The following ESR1 variants were observed in gnomAD, a reference collection of about 807,000 sequenced individuals.
The protein encoded by ESR1 is estrogen receptor.
ESR1 carries 12 observed loss-of-function variants against 52.7 expected under a neutral mutation model. The ratio of observed to expected loss-of-function variants is 0.23; its 90% CI spans 0.15 to 0.37. The LOEUF (loss-of-function observed/expected upper bound fraction) is 0.37. Among genes scored for constraint, ESR1 ranks in the 10% least tolerant of loss-of-function variants. The probability of loss-of-function intolerance (pLI) is 1.00; values close to 1 mark genes in which losing one functional copy is unlikely to be tolerated. For synonymous variants in ESR1, 305 were observed against 316.8 expected (o/e 0.96, Z 0.39); for missense variants, 584 against 779.7 (o/e 0.75, Z 2.99).
intron 6 of ESR1, among the ~76,000 whole-genome samples, chr6:152,090,101 A>G (rs140882378): frequency 6.6e-6 from 1 of 152,316 alleles, no homozygotes; most frequent in African/African-American, 2.4e-5. Flanking sequence ...GGAGAAGCAT[A>G]CAACAAACAT....
upstream of ESR1, among the ~76,000 whole-genome samples, chr6:151,686,767 C>A (rs1778705686): frequency 6.6e-6 from 1 of 152,132 alleles, no homozygotes; most frequent in Non-Finnish European, 1.5e-5. Flanking sequence ...TTTAAGGTAG[C>A]TAAACACTCT....
chr6:151,944,132 G>A (rs2035431935), intron 3 of ESR1, 41 bp from the exon 4 acceptor site: 1 of 1,558,898 alleles, frequency 6.4e-7, no homozygotes, highest in Admixed American at 1.7e-5. Flanking sequence ...GTTTACACGG[G>A]AAAAAAATAA....
At chr6:152,049,724 C>A (rs2046522666) in intron 5 of ESR1, among the ~76,000 whole-genome samples, 1 of 152,168 alleles carries the variant, frequency 6.6e-6, no homozygotes, top group Non-Finnish European at 1.5e-5. Context: ...AGTGAGGTTC[C>A]TCTTGGCTCT....
upstream of ESR1, among the ~76,000 whole-genome samples, chr6:151,801,757 G>A (rs1777267478): frequency 6.6e-6 from 1 of 152,256 alleles, no homozygotes; most frequent in South Asian, 2.1e-4. Context: ...TAGAGTGTTA[G>A]GACAATTCTG....
chr6:151,979,127 T>A (rs2039742248), intron 4 of ESR1, among the ~76,000 whole-genome samples: 1 of 152,146 alleles, frequency 6.6e-6, no homozygotes, highest in Admixed American at 6.5e-5. Context: ...AGGACACCAG[T>A]TAGACTAGAT....
chr6:151,702,905 G>T (rs1223852486), intron 2 of ESR1, among the ~76,000 whole-genome samples: 1 of 152,182 alleles, frequency 6.6e-6, no homozygotes, highest in Non-Finnish European at 1.5e-5. Flanking sequence ...CCAGTAGCAG[G>T]CATGTGATAT....
At chr6:151,809,748 A>G (rs373445987) in intron 1 of ESR1, among the ~76,000 whole-genome samples, 1 of 152,232 alleles carries the variant, frequency 6.6e-6, no homozygotes, top group East Asian at 1.9e-4. Context: ...ACGCAGATCC[A>G]AGCTGTCTTT....
chr6:151,712,901 T>A (rs1582983366), intron 2 of ESR1, among the ~76,000 whole-genome samples: 1 of 152,202 alleles, frequency 6.6e-6, no homozygotes, highest in South Asian at 2.1e-4. Flanking sequence ...AAAGAGGATA[T>A]CCTTGTCTGG....
At chr6:152,043,024 G>A (rs1013998719) in intron 5 of ESR1, among the ~76,000 whole-genome samples, 5 of 152,126 alleles carry the variant, frequency 3.3e-5, no homozygotes, top group African/African-American at 9.7e-5. Flanking sequence ...CTTCAAGGAT[G>A]CAGGTGCTGC....
chr6:151,861,755 T>A lies in ESR1; in HGVS notation c.644-18900T>A, dbSNP rs1280994824. Among the ~76,000 whole-genome samples, 145 of 152,198 alleles carry A rather than the reference T, an allele frequency of 9.5e-4. 3 individuals carry two copies. Among genetic ancestry groups the A allele is most frequent in the Non-Finnish European group, 1.9e-4 (13 of 68,014 alleles). On this transcript the variant is annotated intron_variant, in intron 2 of 7. Coordinates refer to ENST00000206249, the MANE Select transcript of ESR1 (RefSeq NM_000125.4). ...TTGTTCAGAGGCTTGAGTAAATGGC[T>A]CTTATTCTTACACTTTTTTTTTTGC...
chr6:151,988,437 T>G (rs1353655534), intron 4 of ESR1, among the ~76,000 whole-genome samples: 1 of 152,086 alleles, frequency 6.6e-6, no homozygotes, highest in African/African-American at 2.4e-5. Flanking sequence ...TAAATACAGA[T>G]GAAGCTTCAC....
intron 1 of ESR1, among the ~76,000 whole-genome samples, chr6:151,657,358 A>G (rs1777490365): frequency 6.6e-6 from 1 of 152,204 alleles, no homozygotes; most frequent in Non-Finnish European, 1.5e-5. Context: ...TGTAAATTAC[A>G]TTACATTATA....
In ESR1 at chr6:152,069,577, G is replaced by T. The variant is rs1255644666; in HGVS notation, c.1369+8453G>T. ...TGAAAGAAAATTTTTCCACAGATGG[G>T]GTGGTGTAGGGTGGGGTGGGGGATA... is the stretch of plus-strand genomic sequence containing the variant. On this transcript the variant is annotated intron_variant, in intron 6 of 7. Transcript: ENST00000206249. Among the ~76,000 whole-genome samples, 2 of 135,924 alleles carry T rather than the reference G, an allele frequency of 1.5e-5. 1 individual carries two copies. Among genetic ancestry groups the T allele is most frequent in the African/African-American group, 6.6e-5 (2 of 30,190 alleles). The allele number at this position is 135,924 out of a possible 152,430, so 89.2% of individuals were successfully genotyped here. A position where few individuals can be genotyped will look rare whatever the true frequency, so the allele number is the denominator to read the frequency against.
In ESR1 at chr6:152,102,380, TAAC is replaced by T; in HGVS notation, c.*3416_*3418del. 1 of 208,048 alleles carries T rather than the reference TAAC, an allele frequency of 4.8e-6. No individual in the cohort carries two copies. The highest frequency in any genetic ancestry group is 9.8e-6 in the Non-Finnish European group (1 of 102,040). 12.9% of individuals were successfully genotyped at this position (208,048 alleles called of 1,614,324 possible). A position where few individuals can be genotyped will look rare whatever the true frequency, so the allele number is the denominator to read the frequency against. On this transcript the variant is annotated 3_prime_UTR_variant, in exon 8 of 8. Coordinates refer to ENST00000206249, the MANE Select transcript of ESR1 (RefSeq NM_000125.4). ...GACTGTGGGTACTGGGAGTGATCAC[TAAC>T]ACCATAGTAATGTCTAATATTCACA...
At chr6:152,000,395 A>G (rs558602937) in intron 4 of ESR1, among the ~76,000 whole-genome samples, 4 of 152,048 alleles carry the variant, frequency 2.6e-5, no homozygotes, top group Non-Finnish European at 5.9e-5. Flanking sequence ...CATATTCTAC[A>G]TAGAAAAACT....
chr6:152,010,738 T>C (rs1047352162), intron 4 of ESR1, among the ~76,000 whole-genome samples: 4 of 152,100 alleles, frequency 2.6e-5, no homozygotes, highest in African/African-American at 9.7e-5. Context: ...TGAGCATCTG[T>C]CTTCTCATCT....
intron 2 of ESR1, among the ~76,000 whole-genome samples, chr6:151,791,917 A>T (rs759630206): frequency 2.6e-5 from 4 of 152,214 alleles, no homozygotes; most frequent in Non-Finnish European, 5.9e-5. Context: ...CTCTTCCAAT[A>T]CAATCATGTA....
chr6:151,659,656 T>C (rs1246156638), intron 1 of ESR1, among the ~76,000 whole-genome samples: 1 of 152,098 alleles, frequency 6.6e-6, no homozygotes, highest in Non-Finnish European at 1.5e-5. Context: ...TTAATAGGAG[T>C]AATTCAGCAG....
At chr6:151,946,128 A>G (rs1162821991) in intron 4 of ESR1, among the ~76,000 whole-genome samples, 1 of 152,178 alleles carries the variant, frequency 6.6e-6, no homozygotes, top group Non-Finnish European at 1.5e-5. Flanking sequence ...TTTTTTCTTT[A>G]TATTTGTTAT....
Sources: gnomAD v4.1 joint callset for allele counts (sites outside exome capture counted in the v4.1 genomes callset) on GRCh38, gnomAD v4.1.1 for gene constraint, MANE v1.5 for transcripts, NCBI Gene and HGNC (gene_info 2026-07-23, HGNC 2026-07-21) for gene names.